ADAMTS6: variants seen among roughly 807,000 people sequenced by gnomAD.
The protein encoded by ADAMTS6 is A disintegrin and metalloproteinase with thrombospondin motifs 6.
Under a neutral mutation model 144.3 loss-of-function variants are expected in ADAMTS6, and 23 were observed. The observed-to-expected ratio is 0.16, with a 90% CI of 0.11 to 0.23. ADAMTS6 has a LOEUF of 0.23. Ranked by LOEUF, ADAMTS6 falls within the 10% of genes least tolerant of loss-of-function variation. The pLI is 1.00. For synonymous variants in ADAMTS6, 444 were observed against 457.5 expected, an observed-to-expected ratio of 0.97 and a Z score of 0.38; for missense variants, 999 against 1,379.6, an observed-to-expected ratio of 0.72 and a Z score of 4.37.
intron 18 of ADAMTS6, among the ~76,000 whole-genome samples, chr5:65,223,902 T>C (rs948674849): frequency 1.3e-5 from 2 of 151,518 alleles, no homozygotes; most frequent in African/African-American, 4.9e-5. Context: ...TGGGTTCACG[T>C]CATTTTCCTG....
In ADAMTS6 at chr5:65,448,139, T is replaced by C. The variant is rs1011794246; in HGVS notation, c.1073+3336A>G. Among the ~76,000 whole-genome samples, 8 of 150,928 alleles carry C rather than the reference T, an allele frequency of 5.3e-5. 1 individual carries two copies. The highest frequency in any genetic ancestry group is 2.6e-4 in the Admixed American group (4 of 15,116). ...ATATAAAATACACATGTATAATATATATAAATAATTTAAATATGCTCTTTG... is the reference window on the plus strand; with the variant it reads ...ATATAAAATACACATGTATAATATACATAAATAATTTAAATATGCTCTTTG... On this transcript the variant is annotated intron_variant, in intron 7 of 24. Coordinates refer to ENST00000381055, the MANE Select transcript of ADAMTS6 (RefSeq NM_197941.4).
chr5:65,401,157 C>T (rs1025388004), intron 7 of ADAMTS6, among the ~76,000 whole-genome samples: 5 of 152,078 alleles, frequency 3.3e-5, no homozygotes, highest in Admixed American at 1.3e-4. Flanking sequence ...GTAAATAGGC[C>T]TTTAGTAATG....
At chr5:65,206,824 T>C (rs1020097786) in intron 20 of ADAMTS6, among the ~76,000 whole-genome samples, 10 of 107,134 alleles carry the variant, frequency 9.3e-5, no homozygotes, top group African/African-American at 3.6e-4. Flanking sequence ...TTTTTTTCTC[T>C]CTCTCTCTCT....
intron 22 of ADAMTS6, among the ~76,000 whole-genome samples, chr5:65,174,587 C>A (rs976025099): frequency 6.6e-6 from 1 of 152,202 alleles, no homozygotes; most frequent in Non-Finnish European, 1.5e-5. Flanking sequence ...TTGGAACTTG[C>A]CCACTCCATT....
intron 22 of ADAMTS6, among the ~76,000 whole-genome samples, chr5:65,177,833 C>T (rs760233094): frequency 9.2e-5 from 14 of 152,202 alleles, no homozygotes; most frequent in Non-Finnish European, 1.9e-4. Flanking sequence ...GTCCCCTTTC[C>T]ACTAAGGTGG....
chr5:65,177,866 G>A (rs1412620656), intron 22 of ADAMTS6, among the ~76,000 whole-genome samples: 1 of 151,590 alleles, frequency 6.6e-6, no homozygotes, highest in Admixed American at 6.6e-5. Context: ...CCAGGCGTGG[G>A]CTGCATGGTA....
intron 9 of ADAMTS6, among the ~76,000 whole-genome samples, chr5:65,325,918 C>T (rs1159530348): frequency 6.6e-6 from 1 of 152,082 alleles, no homozygotes; most frequent in Non-Finnish European, 1.5e-5. Flanking sequence ...TGGAAAAAAT[C>T]AGACATATAC....
chr5:65,454,184 G>A (rs1192124578), intron 4 of ADAMTS6, among the ~76,000 whole-genome samples: 4 of 152,132 alleles, frequency 2.6e-5, no homozygotes, highest in Non-Finnish European at 5.9e-5. Context: ...CCAGATGCTG[G>A]TGCCATGCTC....
intron 9 of ADAMTS6, among the ~76,000 whole-genome samples, chr5:65,326,446 T>C (rs1414844618): frequency 6.6e-6 from 1 of 152,134 alleles, no homozygotes; most frequent in African/African-American, 2.4e-5. Context: ...GAAATAAAAG[T>C]GGTCACTAAG....
intron 24 of ADAMTS6, among the ~76,000 whole-genome samples, chr5:65,155,698 G>T (rs1752373782): frequency 6.6e-6 from 1 of 152,142 alleles, no homozygotes; most frequent in African/African-American, 2.4e-5. Flanking sequence ...GTTGGTCTAA[G>T]AACAGGTTTA....
intron 8 of ADAMTS6, 116 bp downstream of exon 8, chr5:65,333,926 A>G: frequency 8.7e-7 from 1 of 1,151,926 alleles, no homozygotes; most frequent in East Asian, 3.1e-5. Flanking sequence ...ACAGAAAGGA[A>G]AATGACCAAA....
At chr5:65,404,568 C>T (rs1754268721) in intron 7 of ADAMTS6, among the ~76,000 whole-genome samples, 1 of 152,116 alleles carries the variant, frequency 6.6e-6, no homozygotes, top group African/African-American at 2.4e-5. Context: ...GGGTTGGTTC[C>T]AAGTCTTTGC....
At chr5:65,264,113 A>T (rs1761423730) in intron 12 of ADAMTS6, among the ~76,000 whole-genome samples, 1 of 152,130 alleles carries the variant, frequency 6.6e-6, no homozygotes, top group African/African-American at 2.4e-5. Context: ...TTCTTACCTG[A>T]TCATTGTGCT....
At chr5:65,159,685 G>T (rs1364593095) in intron 24 of ADAMTS6, among the ~76,000 whole-genome samples, 1 of 152,184 alleles carries the variant, frequency 6.6e-6, no homozygotes, top group African/African-American at 2.4e-5. Flanking sequence ...AAAATTATTT[G>T]TATGTTGCCA....
intron 14 of ADAMTS6, among the ~76,000 whole-genome samples, chr5:65,256,961 T>TTCTCTC (rs55933758): frequency 5.2e-4 from 61 of 118,054 alleles, no homozygotes; most frequent in African/African-American, 1.7e-3. Flanking sequence ...GGGTCACTTT[T>TTCTCTC]TCTCTCTCTC....
intron 7 of ADAMTS6, among the ~76,000 whole-genome samples, chr5:65,376,662 C>T (rs1751584309): frequency 6.6e-6 from 1 of 151,932 alleles, no homozygotes; most frequent in Non-Finnish European, 1.5e-5. Flanking sequence ...AAAACCCCAT[C>T]TCCACAAAAA....
chr5:65,270,670 G>T (rs1009151963), intron 12 of ADAMTS6, among the ~76,000 whole-genome samples: 7 of 151,606 alleles, frequency 4.6e-5, no homozygotes, highest in Non-Finnish European at 8.8e-5. Flanking sequence ...TATCTTCCAG[G>T]TCTCTGGAAA....
chr5:65,196,395 C>T (rs890772935), intron 21 of ADAMTS6, among the ~76,000 whole-genome samples: 7 of 151,444 alleles, frequency 4.6e-5, no homozygotes, highest in African/African-American at 1.2e-4. Flanking sequence ...TGGTGGTGGG[C>T]GCCTGTAGTC....
At chr5:65,234,907 A>G (rs1252360244) in intron 15 of ADAMTS6, among the ~76,000 whole-genome samples, 1 of 152,216 alleles carries the variant, frequency 6.6e-6, no homozygotes, top group Non-Finnish European at 1.5e-5. Context: ...ATATAGACAT[A>G]TGTAATGAAA....
Sources: allele counts gnomAD v4.1 joint callset (sites outside exome capture counted in the v4.1 genomes callset), GRCh38; gene constraint gnomAD v4.1.1; transcripts MANE v1.5; gene names NCBI Gene and HGNC (gene_info 2026-07-23, HGNC 2026-07-21).